FBRSL1: variants seen among roughly 807,000 people sequenced by gnomAD.
The protein encoded by FBRSL1 is fibrosin-1-like protein.
FBRSL1 carries 51 observed loss-of-function variants against 89.6 expected under a neutral mutation model. That is an observed-to-expected ratio of 0.57 (90% confidence interval 0.45 to 0.72). The LOEUF is 0.72. Ranked by LOEUF, FBRSL1 falls within the 30% of genes least tolerant of loss-of-function variation. The pLI, the probability that FBRSL1 is intolerant of heterozygous loss-of-function variation, is 0.00. For missense variants in FBRSL1, 1,618 were observed against 1,451.8 expected, an observed-to-expected ratio of 1.11 and a Z score of -1.86; for synonymous variants, 779 against 681.1, an observed-to-expected ratio of 1.14 and a Z score of -2.24.
chr12:132,522,989 G>A (rs1165131286), intron 2 of FBRSL1, among the ~76,000 whole-genome samples: 1 of 152,208 alleles, frequency 6.6e-6, no homozygotes, highest in Non-Finnish European at 1.5e-5. Flanking sequence ...GGCTCGTCAG[G>A]GCTCCATAAG....
rs2137927467 is a variant in FBRSL1 at position 132,572,353 on chromosome 12, C to A, written c.1434+9C>A. The A allele has an allele frequency of 6.4e-7, 1 of 1,550,880 alleles. No homozygotes were observed. Among genetic ancestry groups the A allele is most frequent in the Middle Eastern group, 1.7e-4 (1 of 5,990 alleles). ...GACATTCCAGCGTGAGTGTGAGTGT[C>A]CCCGAGGGGCCCGGCGCGTGTCGCT... On this transcript the variant is annotated intron_variant, in intron 10 of 18. Coordinates refer to ENST00000680143, the MANE Select transcript of FBRSL1 (RefSeq NM_001367871.1).
rs1487745333 is a variant in FBRSL1, at chr12:132,583,620, GCCGCCCTCGGCGCA to G, written c.2858_2871del (p.Leu953ProfsTer68). On this transcript the variant is annotated frameshift_variant, in exon 19 of 19. Transcript: ENST00000680143. LOFTEE classifies it high-confidence loss of function. ...CCTGGCGCGGACCCCGCCCGCCGCC[GCCGCCCTCGGCGCA>G]CCGCCCCCCCTGGTGACGGCGGCCG... 2.0e-6 allele frequency: 2 copies of G among 992,830 alleles called. No homozygotes were observed. Among genetic ancestry groups the G allele is most frequent in the African/African-American group, 3.5e-5 (2 of 56,726 alleles). 61.5% of individuals were successfully genotyped at this position (992,830 alleles called of 1,614,324 possible). A position where few individuals can be genotyped will look rare whatever the true frequency, so the allele number is the denominator to read the frequency against.
chr12:132,525,694 G>C, intron 2 of FBRSL1, 40 bp from the exon 3 acceptor site: 1 of 1,502,172 alleles, frequency 6.7e-7, no homozygotes, highest in Non-Finnish European at 9.1e-7. Context: ...GACGCGGTGA[G>C]GTGGGGGTTT....
chr12:132,522,049 G>T (rs564573837), intron 2 of FBRSL1, among the ~76,000 whole-genome samples: 1 of 152,202 alleles, frequency 6.6e-6, no homozygotes, highest in Non-Finnish European at 1.5e-5. Context: ...CCCTCAGCCT[G>T]CCGGCGCCTG....
intron 4 of FBRSL1, among the ~76,000 whole-genome samples, chr12:132,544,925 C>A (rs1260097800): frequency 1.3e-5 from 2 of 152,166 alleles, no homozygotes; most frequent in Non-Finnish European, 2.9e-5. Flanking sequence ...GACTATATAT[C>A]AAGCACTGCC....
At chr12:132,531,507 TGTA>T (rs1252870570) in intron 4 of FBRSL1, among the ~76,000 whole-genome samples, 4 of 152,062 alleles carry the variant, frequency 2.6e-5, no homozygotes, top group Non-Finnish European at 5.9e-5. Context: ...TGCGTTGCCT[TGTA>T]GAACAGTGTC....
chr12:132,540,775 GCA>G (rs2037194368), intron 4 of FBRSL1, among the ~76,000 whole-genome samples: 1 of 151,688 alleles, frequency 6.6e-6, no homozygotes, highest in Admixed American at 6.6e-5. Context: ...CTCCCCGATG[GCA>G]GGAGGACTCC....
intron 4 of FBRSL1, among the ~76,000 whole-genome samples, chr12:132,541,032 G>T (rs1198095577): frequency 6.6e-6 from 1 of 151,166 alleles, no homozygotes; most frequent in African/African-American, 2.4e-5. Flanking sequence ...AGCCTGGGGG[G>T]CAGAGCCCCA....
chr12:132,551,584 C>T, intron 5 of FBRSL1: 1 of 456,304 alleles, frequency 2.2e-6, no homozygotes, highest in Non-Finnish European at 4.4e-6. Flanking sequence ...CAGCTCCCAC[C>T]TGGCCAGCCA....
chr12:132,490,681 G>A lies in FBRSL1; in HGVS notation c.111G>A (p.Glu37=). 1.0e-6 allele frequency: 1 copy of A among 1,000,612 alleles called. No individual in the cohort carries two copies. The highest frequency in any genetic ancestry group is 1.2e-6 in the Non-Finnish European group (1 of 836,018). The allele number at this position is 1,000,612 out of a possible 1,614,324, so 62.0% of individuals were successfully genotyped here. The change falls in exon 1 of 19, where the codon GAG becomes GAA. Residue 37 remains glutamate (E), a synonymous_variant. Coordinates refer to ENST00000680143, the MANE Select transcript of FBRSL1 (RefSeq NM_001367871.1). ...CCCAGAGTCCGTCGTCGGGCGACGA[G>A]CCCGAGCCCAGCCCCGGCAAGGAGA... is the stretch of plus-strand genomic sequence containing the variant. ...ARAQSPSSGD[E]PEPSPGKENA... is the part of the protein sequence containing the mutation.
At position 132,583,598 on chromosome 12, in the gene FBRSL1, G is replaced by A. The variant is rs1227817072; in HGVS notation, c.2829G>A (p.Leu943=). 1.0e-5 allele frequency: 10 copies of A among 992,530 alleles called. No homozygotes were observed. Among genetic ancestry groups the A allele is most frequent in the Non-Finnish European group, 1.2e-5 (10 of 835,952 alleles). 61.5% of individuals were successfully genotyped at this position (992,530 alleles called of 1,614,324 possible). A position where few individuals can be genotyped will look rare whatever the true frequency, so the allele number is the denominator to read the frequency against. ...CCGCCGCGCTGCACAATGGGCTCCT[G>A]GCGCGGACCCCGCCCGCCGCCGCCG... The part of the protein sequence containing the change: ...LSPAALHNGL[L]ARTPPAAAAL... The change falls in exon 19 of 19, where the codon CTG becomes CTA. Residue 943 remains leucine (L), a synonymous_variant. Coordinates refer to ENST00000680143, the MANE Select transcript of FBRSL1 (RefSeq NM_001367871.1).
intron 4 of FBRSL1, among the ~76,000 whole-genome samples, chr12:132,534,189 G>A (rs1478335954): frequency 1.3e-5 from 2 of 152,220 alleles, no homozygotes; most frequent in African/African-American, 4.8e-5. Context: ...AGGGACTTGG[G>A]GTCCTGGGAG....
chr12:132,576,415 A>T lies in FBRSL1; in HGVS notation c.1702-384A>T, dbSNP rs540176276. Among the ~76,000 whole-genome samples, 346 of 151,340 alleles carry T rather than the reference A, an allele frequency of 2.3e-3. 2 individuals carry two copies. Among genetic ancestry groups the T allele is most frequent in the African/African-American group, 7.7e-3 (315 of 41,110 alleles). On this transcript the variant is annotated intron_variant, in intron 14 of 18. Coordinates refer to ENST00000680143, the MANE Select transcript of FBRSL1 (RefSeq NM_001367871.1). ...GCCATGTTGGCCAGGCTGGTCTCGA[A>T]CTCCTGACCTCAGGTGATCCGCCCG... is the stretch of plus-strand genomic sequence containing the variant.
At chr12:132,581,880 C>G (rs1593610789) in intron 17 of FBRSL1, 56 bp downstream of exon 17, 16 of 1,456,398 alleles carry the variant, frequency 1.1e-5, no homozygotes, top group Non-Finnish European at 1.5e-5. Context: ...TCCCCCATGC[C>G]TGTGTCCTCT....
At chr12:132,496,815 C>T (rs61599292) in intron 1 of FBRSL1, among the ~76,000 whole-genome samples, 35,960 of 142,060 alleles carry the variant, frequency 0.25, 4,977 homozygotes, top group Non-Finnish European at 0.26. Flanking sequence ...CTTGTGCCGC[C>T]GCCCCGCGCT....
At chr12:132,554,971 T>C (rs982587461) in intron 5 of FBRSL1, 2 of 152,208 alleles carry the variant, frequency 1.3e-5, no homozygotes, top group Non-Finnish European at 2.9e-5. Context: ...AATGTGCGGT[T>C]GGAACTATAT....
Position 132,583,545 on chromosome 12 carries a change from G to A in FBRSL1, c.2776G>A (p.Gly926Arg). Residue 926 changes from glycine to arginine, a missense_variant, in exon 19 of 19, where the codon GGA becomes AGA. Transcript: ENST00000680143. ...GGACGGCGCGCTGCTGCCCTCGCTGGGAGCCCTGCACTTCCCGCGCCTCTC... is the reference window on the plus strand; with the variant it reads ...GGACGGCGCGCTGCTGCCCTCGCTGAGAGCCCTGCACTTCCCGCGCCTCTC... The part of the protein sequence containing the change: ...ALDGALLPSL[G>R]ALHFPRLSPA... The A allele has an allele frequency of 6.7e-6, 7 of 1,045,904 alleles. No individual in the cohort carries two copies. The highest frequency in any genetic ancestry group is 8.1e-6 in the Non-Finnish European group (7 of 867,876). 64.8% of individuals were successfully genotyped at this position (1,045,904 alleles called of 1,614,324 possible).
Position 132,583,512 on chromosome 12 carries a change from C to A in FBRSL1, c.2743C>A (p.Pro915Thr). 9.6e-7 allele frequency: 1 copy of A among 1,043,604 alleles called. No homozygotes were observed. The allele number at this position is 1,043,604 out of a possible 1,614,324, so 64.6% of individuals were successfully genotyped here. A position where few individuals can be genotyped will look rare whatever the true frequency, so the allele number is the denominator to read the frequency against. Residue 915 changes from proline (P) to threonine (T), a missense_variant, in exon 19 of 19, where the codon CCC becomes ACC. Coordinates refer to ENST00000680143, the MANE Select transcript of FBRSL1 (RefSeq NM_001367871.1). ...ARAPHLPPAA[P>T]ALDGALLPSL... ...GGCCCCGCACCTGCCGCCCGCCGCC[C>A]CCGCCTTGGACGGCGCGCTGCTGCC...
At chr12:132,534,626 C>T (rs566933842) in intron 4 of FBRSL1, among the ~76,000 whole-genome samples, 31 of 152,374 alleles carry the variant, frequency 2.0e-4, no homozygotes, top group Non-Finnish European at 3.7e-4. Context: ...GAGCAAGGCT[C>T]AGCCCGGGTG....
Sources: allele counts gnomAD v4.1 joint callset (sites outside exome capture counted in the v4.1 genomes callset), GRCh38; gene constraint gnomAD v4.1.1; transcripts MANE v1.5; gene names NCBI Gene and HGNC (gene_info 2026-07-23, HGNC 2026-07-21).